Variants in CLVS1 observed in about 807,000 individuals in gnomAD.
CLVS1 encodes clavesin 1.
In CLVS1, 10 loss-of-function variants were observed where a neutral mutation model predicts 33.1. That is an observed-to-expected ratio of 0.30 (90% CI 0.19 to 0.51). CLVS1 has a LOEUF of 0.51. CLVS1 is among the 20% of genes least tolerant of loss of function. CLVS1 has a pLI of 0.97. For missense variants in CLVS1, 343 were observed against 433.4 expected (o/e 0.79, Z 1.85); for synonymous variants, 163 against 166.1 (o/e 0.98, Z 0.14).
intron 2 of CLVS1, among the ~76,000 whole-genome samples, chr8:61,206,411 GT>G (rs999561729): frequency 6.6e-6 from 1 of 152,030 alleles, no homozygotes; most frequent in Admixed American, 6.6e-5. Flanking sequence ...AGGGATATCA[GT>G]TTTTTCTGTC....
chr8:61,245,114 T>C (rs1808779068), intron 2 of CLVS1, among the ~76,000 whole-genome samples: 1 of 152,210 alleles, frequency 6.6e-6, no homozygotes, highest in Non-Finnish European at 1.5e-5. Flanking sequence ...AGTACAGTTA[T>C]ACTGGCTTCC....
intron 2 of CLVS1, among the ~76,000 whole-genome samples, chr8:61,321,435 A>ATTC (rs199982830): frequency 1.3e-5 from 2 of 150,350 alleles, no homozygotes; most frequent in Admixed American, 6.6e-5. Context: ...ATTCTCTCCT[A>ATTC]TTCTTCTTCT....
At chr8:61,099,627 G>T (rs1207138086) in intron 1 of CLVS1, among the ~76,000 whole-genome samples, 8 of 152,258 alleles carry the variant, frequency 5.3e-5, no homozygotes, top group East Asian at 3.9e-4. Flanking sequence ...AAGTATCTCT[G>T]AAAGACTACA....
intron 1 of CLVS1, among the ~76,000 whole-genome samples, chr8:61,058,900 T>C (rs776913846): frequency 9.2e-5 from 14 of 152,178 alleles, no homozygotes; most frequent in African/African-American, 1.2e-4. Flanking sequence ...GAATGAGTCA[T>C]ATTTTATTAT....
chr8:61,248,267 G>C (rs1437010729), intron 2 of CLVS1, among the ~76,000 whole-genome samples: 1 of 151,910 alleles, frequency 6.6e-6, no homozygotes. Flanking sequence ...TGGTTATTTG[G>C]CTTTTCTTTT....
At chr8:61,388,827 A>C (rs978200472) in intron 3 of CLVS1, among the ~76,000 whole-genome samples, 1 of 152,152 alleles carries the variant, frequency 6.6e-6, no homozygotes, top group East Asian at 1.9e-4. Flanking sequence ...ATTGTTAGCT[A>C]TAGTGATCTT....
At chr8:61,118,219 T>A (rs7812687) in intron 1 of CLVS1, among the ~76,000 whole-genome samples, 8 of 152,046 alleles carry the variant, frequency 5.3e-5, no homozygotes, top group African/African-American at 1.7e-4. Context: ...GGTGGTGATA[T>A]CCCCTTTATC....
intron 1 of CLVS1, among the ~76,000 whole-genome samples, chr8:61,088,848 C>G (rs1191875988): frequency 6.6e-6 from 1 of 150,866 alleles, no homozygotes; most frequent in Non-Finnish European, 1.5e-5. Flanking sequence ...GTCGCCCAGG[C>G]TGGAGTGCAG....
At chr8:61,492,208 T>C (rs563700422) in intron 5 of CLVS1, among the ~76,000 whole-genome samples, 161 of 152,370 alleles carry the variant, frequency 1.1e-3, no homozygotes, top group African/African-American at 3.2e-3. Flanking sequence ...TTTTGAGTTG[T>C]CTAATAGACA....
At chr8:61,098,074 T>C (rs1215639707) in intron 1 of CLVS1, among the ~76,000 whole-genome samples, 2 of 152,124 alleles carry the variant, frequency 1.3e-5, no homozygotes, top group African/African-American at 2.4e-5. Context: ...GCAGAAGGAT[T>C]GCTTGATCCC....
chr8:61,273,571 CG>C (rs1247824458), intron 2 of CLVS1, among the ~76,000 whole-genome samples: 4 of 152,260 alleles, frequency 2.6e-5, no homozygotes, highest in Non-Finnish European at 5.9e-5. Flanking sequence ...CGGGCAATGG[CG>C]GGCGCCCCTC....
chr8:61,330,328 G>A (rs1247890736), intron 2 of CLVS1, among the ~76,000 whole-genome samples: 1 of 152,172 alleles, frequency 6.6e-6, no homozygotes, highest in Non-Finnish European at 1.5e-5. Context: ...GGGACACATG[G>A]CAGAAAATTT....
At chr8:60,988,352 C>A in the CLVS1 span, among the ~76,000 whole-genome samples, 1 of 152,056 alleles carries the variant, frequency 6.6e-6, no homozygotes, top group Admixed American at 6.6e-5. Context: ...TCCCACCTGC[C>A]AGATACTGGT....
At chr8:60,977,452 A>G in the CLVS1 span, among the ~76,000 whole-genome samples, 2 of 152,224 alleles carry the variant, frequency 1.3e-5, no homozygotes, top group Non-Finnish European at 2.9e-5. Flanking sequence ...AAAGGAAATC[A>G]GAAAAATAAT....
chr8:61,499,113 A>AAAG (rs2129608980), intron 5 of CLVS1, among the ~76,000 whole-genome samples: 1 of 152,318 alleles, frequency 6.6e-6, no homozygotes, highest in Non-Finnish European at 1.5e-5. Flanking sequence ...TTAGCAAGCA[A>AAAG]AAGAAGTAAG....
At chr8:61,100,431 C>A (rs1585610353) in intron 1 of CLVS1, among the ~76,000 whole-genome samples, 1 of 152,262 alleles carries the variant, frequency 6.6e-6, no homozygotes, top group East Asian at 1.9e-4. Context: ...TTTGGATACT[C>A]TTTGAAGCTT....
At chr8:61,485,741 T>C (rs1803855590) in intron 5 of CLVS1, among the ~76,000 whole-genome samples, 1 of 152,232 alleles carries the variant, frequency 6.6e-6, no homozygotes, top group East Asian at 1.9e-4. Context: ...GTGGCACATA[T>C]ACACCATGGA....
At chr8:61,430,058 A>G (rs2129605312) in intron 3 of CLVS1, among the ~76,000 whole-genome samples, 1 of 152,318 alleles carries the variant, frequency 6.6e-6, no homozygotes, top group East Asian at 1.9e-4. Flanking sequence ...TTCCCTTTTC[A>G]TAACAAAAAT....
intron 1 of CLVS1, among the ~76,000 whole-genome samples, chr8:61,118,350 G>T (rs952485934): frequency 5.9e-5 from 9 of 151,914 alleles, no homozygotes; most frequent in African/African-American, 2.2e-4. Context: ...TTTTTTGAAG[G>T]GTTTTTTGTG....
Sources: allele counts gnomAD v4.1 joint callset (sites outside exome capture counted in the v4.1 genomes callset), GRCh38; gene constraint gnomAD v4.1.1; transcripts MANE v1.5; gene names NCBI Gene and HGNC (gene_info 2026-07-23, HGNC 2026-07-21).